The following DCDC1 variants were observed in gnomAD, a reference collection of about 807,000 sequenced individuals.
DCDC1 encodes doublecortin domain containing 1, also known as doublecortin domain-containing protein 1.
In DCDC1, 200 loss-of-function variants were observed where a neutral mutation model predicts 178.3. The observed-to-expected ratio is 1.12, with a 90% CI of 1.00 to 1.26. The LOEUF (loss-of-function observed/expected upper bound fraction) is 1.26. Among genes scored for constraint, DCDC1 ranks in the 50% most tolerant of loss-of-function variants. DCDC1 has a pLI of 0.00. For synonymous variants in DCDC1, 690 were observed against 604.8 expected (o/e 1.14, Z -2.07); for missense variants, 1,983 against 1,749.2 (o/e 1.13, Z -2.38).
intron 9 of DCDC1, among the ~76,000 whole-genome samples, chr11:31,187,478 C>T (rs146241898): frequency 2.9e-4 from 44 of 152,208 alleles, no homozygotes; most frequent in African/African-American, 1.0e-3. Flanking sequence ...TAGTCACAAC[C>T]TCTTCCTGAA....
intron 9 of DCDC1, among the ~76,000 whole-genome samples, chr11:31,213,141 CTCTCTCTCT>C (rs1972938481): frequency 2.1e-5 from 3 of 141,674 alleles, no homozygotes; most frequent in Non-Finnish European, 4.6e-5. Flanking sequence ...CTCTCTCTCT[CTCTCTCTCT>C]CTCTCTCTCT....
At chr11:31,030,311 A>G (rs1953536662) in intron 20 of DCDC1, among the ~76,000 whole-genome samples, 1 of 152,174 alleles carries the variant, frequency 6.6e-6, no homozygotes, top group Non-Finnish European at 1.5e-5. Flanking sequence ...GAAGGGCACC[A>G]CACAGTTGGT....
intron 9 of DCDC1, among the ~76,000 whole-genome samples, chr11:31,199,499 C>A (rs1398121142): frequency 6.6e-6 from 1 of 152,024 alleles, no homozygotes; most frequent in African/African-American, 2.4e-5. Context: ...AAATATAAGG[C>A]AAGGCATCGA....
At chr11:30,999,849 TAGG>T (rs1951475247) in intron 20 of DCDC1, among the ~76,000 whole-genome samples, 1 of 152,176 alleles carries the variant, frequency 6.6e-6, no homozygotes, top group Non-Finnish European at 1.5e-5. Context: ...TTGGCAATCT[TAGG>T]AGCACACTGG....
intron 22 of DCDC1, among the ~76,000 whole-genome samples, chr11:30,929,686 T>C (rs907824968): frequency 6.6e-6 from 1 of 152,080 alleles, no homozygotes; most frequent in Non-Finnish European, 1.5e-5. Flanking sequence ...TAAAATTTAC[T>C]TCAAAGCCTC....
At chr11:30,973,138 G>T (rs1282219948) in intron 20 of DCDC1, among the ~76,000 whole-genome samples, 1 of 151,712 alleles carries the variant, frequency 6.6e-6, no homozygotes, top group Admixed American at 6.6e-5. Context: ...CAGGCGTGAT[G>T]GTGTGCACTT....
chr11:31,030,872 C>A (rs558881191), intron 20 of DCDC1, among the ~76,000 whole-genome samples: 18 of 150,924 alleles, frequency 1.2e-4, no homozygotes, highest in Middle Eastern at 3.4e-3. Flanking sequence ...AAAAAAAAAA[C>A]CACTAATCTA....
chr11:30,892,904 G>T lies in DCDC1; in HGVS notation c.4996C>A (p.Gln1666Lys). Residue 1666 changes from glutamine (Q) to lysine (K), a missense_variant, in exon 36 of 39, where the codon CAG becomes AAG. By Grantham distance (53) the Gln-to-Lys change is moderately conservative (BLOSUM62 1). Transcript: ENST00000684477. The stretch of plus-strand genomic sequence containing the variant: ...ATCCACACTCGTTTTGTGTTGGGCT[G>T]CTTATACAGGTTGCTCGGCTTGACT... ...IAVKPSNLYK[Q>K]PNTKRVWIYL... 6.2e-7 allele frequency: 1 copy of T among 1,613,900 alleles called. No homozygotes were observed. Among genetic ancestry groups the T allele is most frequent in the Non-Finnish European group, 8.5e-7 (1 of 1,179,838 alleles).
intron 20 of DCDC1, among the ~76,000 whole-genome samples, chr11:30,995,001 A>G (rs940497581): frequency 1.1e-4 from 16 of 151,668 alleles, no homozygotes; most frequent in African/African-American, 3.9e-4. Context: ...GTCCTGATTC[A>G]CAGACAATAT....
chr11:30,910,721 G>A (rs1486675410), intron 28 of DCDC1, among the ~76,000 whole-genome samples: 1 of 151,196 alleles, frequency 6.6e-6, no homozygotes, highest in African/African-American at 2.4e-5. Flanking sequence ...ACAGAAAAAT[G>A]TGAAAAAAAA....
Position 30,940,147 on chromosome 11 carries a change from T to C in DCDC1, c.2716-8195A>G, listed in dbSNP as rs764120926. Reference sequence around the variant, plus strand: ...TGGCCCAATTATCCCATAGAACTTATGTTAATCATTTGTCTTGAATAAACA... The same window carrying C: ...TGGCCCAATTATCCCATAGAACTTACGTTAATCATTTGTCTTGAATAAACA... On this transcript the variant is annotated intron_variant, in intron 21 of 38. Transcript: ENST00000684477. Among the ~76,000 whole-genome samples, 3 of 152,224 alleles carry C rather than the reference T, an allele frequency of 2.0e-5. 1 individual carries two copies. The South Asian group carries it at 6.2e-4, about 31-fold the overall frequency.
intron 9 of DCDC1, among the ~76,000 whole-genome samples, chr11:31,192,322 A>T (rs1196828755): frequency 6.6e-6 from 1 of 151,270 alleles, no homozygotes; most frequent in Non-Finnish European, 1.5e-5. Flanking sequence ...TCAAGGAAAA[A>T]CCCCTTCGCA....
chr11:31,050,525 G>C (rs951512605), intron 20 of DCDC1, among the ~76,000 whole-genome samples: 3 of 152,184 alleles, frequency 2.0e-5, no homozygotes, highest in Non-Finnish European at 4.4e-5. Context: ...GGAAAGCACC[G>C]TGTCCTGGCA....
At chr11:31,101,723 C>T (rs1427983760) in intron 15 of DCDC1, among the ~76,000 whole-genome samples, 5 of 151,910 alleles carry the variant, frequency 3.3e-5, no homozygotes, top group Non-Finnish European at 7.4e-5. Context: ...TAACACCTGC[C>T]CCAATATTTG....
intron 7 of DCDC1, chr11:31,280,976 A>G: frequency 1.6e-6 from 1 of 623,968 alleles, no homozygotes; most frequent in Non-Finnish European, 3.0e-6. Flanking sequence ...TGCCTTTCTC[A>G]ACATCACCCA....
intron 23 of DCDC1, 86 bp from the exon 24 acceptor site, chr11:30,922,724 A>C: frequency 7.7e-7 from 1 of 1,299,472 alleles, no homozygotes; most frequent in South Asian, 1.8e-5. Context: ...AATTAAAAAA[A>C]TCAAAATGTC....
rs1331761134 is a variant in DCDC1 at position 31,246,465 on chromosome 11, G to C, written c.1055-4849C>G. Among the ~76,000 whole-genome samples the C allele has an allele frequency of 2.7e-5, 4 of 150,722 alleles. No individual in the cohort carries two copies. In the South Asian group the frequency reaches 6.3e-4, roughly 24 times the overall value. On this transcript the variant is annotated intron_variant, in intron 8 of 38. Transcript: ENST00000684477. ...TCCCACCAATTCAACCTATTCAATTGGCTTTTTTTTTTTTAAATGAAGTTG... is the reference window on the plus strand; with the variant it reads ...TCCCACCAATTCAACCTATTCAATTCGCTTTTTTTTTTTTAAATGAAGTTG...
At chr11:30,999,838 G>A (rs1248565607) in intron 20 of DCDC1, among the ~76,000 whole-genome samples, 4 of 152,098 alleles carry the variant, frequency 2.6e-5, no homozygotes, top group Non-Finnish European at 5.9e-5. Context: ...TAAAATATTT[G>A]TTGGCAATCT....
intron 3 of DCDC1, among the ~76,000 whole-genome samples, chr11:31,322,780 GCT>G (rs1439551941): frequency 1.3e-5 from 2 of 152,072 alleles, no homozygotes; most frequent in African/African-American, 2.4e-5. Context: ...CCCTAAAATT[GCT>G]CTCTCTCTGA....
Sources: allele counts gnomAD v4.1 joint callset (sites outside exome capture counted in the v4.1 genomes callset), GRCh38; gene constraint gnomAD v4.1.1; transcripts MANE v1.5; gene names NCBI Gene and HGNC (gene_info 2026-07-23, HGNC 2026-07-21).